SGCZ: variants seen among roughly 807,000 people sequenced by gnomAD.
SGCZ encodes the protein sarcoglycan zeta, also known as zeta-sarcoglycan.
A neutral mutation model predicts 41.3 loss-of-function variants in SGCZ; 40 were observed. That is an observed-to-expected ratio of 0.97 (90% CI 0.75 to 1.26). The LOEUF is 1.26. Among genes scored for constraint, SGCZ ranks in the 50% most tolerant of loss-of-function variants. The probability of loss-of-function intolerance (pLI) is 0.00; values close to 1 mark genes in which losing one functional copy is unlikely to be tolerated. For synonymous variants in SGCZ, 206 were observed against 137.5 expected, an observed-to-expected ratio of 1.50 and a Z score of -3.49; for missense variants, 552 against 369.8, an observed-to-expected ratio of 1.49 and a Z score of -4.04.
intron 5 of SGCZ, among the ~76,000 whole-genome samples, chr8:14,157,744 G>C (rs1803920674): frequency 6.6e-6 from 1 of 152,080 alleles, no homozygotes; most frequent in Admixed American, 6.6e-5. Context: ...TGTAAAAAGA[G>C]GGATAGAAGA....
chr8:14,425,792 G>C (rs78848478), intron 2 of SGCZ, among the ~76,000 whole-genome samples: 2,702 of 152,118 alleles, frequency 0.018, 74 homozygotes, highest in African/African-American at 0.061. Context: ...AAGTGGTACA[G>C]ACTATAATCC....
intron 4 of SGCZ, among the ~76,000 whole-genome samples, chr8:14,226,604 G>T (rs1266835365): frequency 2.0e-5 from 3 of 152,058 alleles, no homozygotes; most frequent in African/African-American, 7.2e-5. Flanking sequence ...CCATTCTCTT[G>T]CTGAAGGATA....
intron 1 of SGCZ, among the ~76,000 whole-genome samples, chr8:14,633,088 C>T (rs796441276): frequency 2.0e-5 from 3 of 152,078 alleles, no homozygotes; most frequent in African/African-American, 7.2e-5. Flanking sequence ...ACTGTCACAG[C>T]AATGGTATTT....
chr8:14,525,214 G>A lies in SGCZ; in HGVS notation c.234+29518C>T, dbSNP rs28392850. Among the ~76,000 whole-genome samples, 1,014 of 152,060 alleles carry A rather than the reference G, an allele frequency of 6.7e-3. 10 individuals carry two copies. The highest frequency in any genetic ancestry group is 0.023 in the African/African-American group (973 of 41,508). ...TAGATAGACAGACAGACAGACAGAT[G>A]TTTCCACTATCAAGTGACAAAAATA... is the stretch of plus-strand genomic sequence containing the variant. On this transcript the variant is annotated intron_variant, in intron 2 of 7. Coordinates refer to ENST00000382080, the MANE Select transcript of SGCZ (RefSeq NM_139167.4).
intron 1 of SGCZ, among the ~76,000 whole-genome samples, chr8:14,710,568 T>C (rs938782186): frequency 6.6e-6 from 1 of 152,102 alleles, no homozygotes; most frequent in African/African-American, 2.4e-5. Flanking sequence ...AGTTAATAAA[T>C]TATTTTGTTA....
chr8:14,148,153 T>G (rs866024604), intron 5 of SGCZ, among the ~76,000 whole-genome samples: 4 of 151,924 alleles, frequency 2.6e-5, no homozygotes, highest in Non-Finnish European at 5.9e-5. Flanking sequence ...GAACTAGGAA[T>G]GCATGTGGAA....
intron 1 of SGCZ, among the ~76,000 whole-genome samples, chr8:14,794,217 G>A (rs184840422): frequency 6.6e-6 from 1 of 152,246 alleles, no homozygotes; most frequent in East Asian, 1.9e-4. Flanking sequence ...AGTCTCTGAT[G>A]TGGAAGGTAA....
chr8:14,108,537 C>T (rs973078281), intron 5 of SGCZ, among the ~76,000 whole-genome samples: 1 of 152,086 alleles, frequency 6.6e-6, no homozygotes, highest in Non-Finnish European at 1.5e-5. Context: ...GCAGAAACCC[C>T]TGATAATACC....
intron 5 of SGCZ, among the ~76,000 whole-genome samples, chr8:14,116,954 G>C (rs1024988415): frequency 2.6e-5 from 4 of 152,004 alleles, no homozygotes; most frequent in African/African-American, 9.7e-5. Context: ...AGCCATTACT[G>C]CTTTTTGCAA....
chr8:14,639,612 T>C (rs1434793013), intron 1 of SGCZ, among the ~76,000 whole-genome samples: 3 of 151,760 alleles, frequency 2.0e-5, no homozygotes, highest in African/African-American at 7.3e-5. Context: ...TATCTATTCA[T>C]GTATAGCTAA....
chr8:15,170,717 A>C (rs1020510524), intron 1 of SGCZ, among the ~76,000 whole-genome samples: 2 of 152,190 alleles, frequency 1.3e-5, no homozygotes, highest in African/African-American at 4.8e-5. Flanking sequence ...TATTTGAACT[A>C]TGCAGTGTTT....
At chr8:14,800,791 T>A (rs923422144) in intron 1 of SGCZ, among the ~76,000 whole-genome samples, 1 of 152,162 alleles carries the variant, frequency 6.6e-6, no homozygotes, top group African/African-American at 2.4e-5. Flanking sequence ...TCTAGTATGT[T>A]TTATAGCAAT....
At chr8:14,332,912 C>CACATATATAT (rs201069722) in intron 2 of SGCZ, among the ~76,000 whole-genome samples, 1 of 142,590 alleles carries the variant, frequency 7.0e-6, no homozygotes, top group Non-Finnish European at 1.6e-5. Context: ...TATCTATACA[C>CACATATATAT]ACATATATAT....
chr8:14,462,424 C>A (rs1022008932), intron 2 of SGCZ, among the ~76,000 whole-genome samples: 2 of 151,944 alleles, frequency 1.3e-5, no homozygotes, highest in Non-Finnish European at 2.9e-5. Context: ...TACGGTTGTG[C>A]TACTATCATT....
intron 1 of SGCZ, among the ~76,000 whole-genome samples, chr8:15,027,638 A>G (rs1174146129): frequency 1.3e-5 from 2 of 152,098 alleles, no homozygotes; most frequent in Non-Finnish European, 2.9e-5. Flanking sequence ...ATATTGCAAG[A>G]TATAAAATTG....
At chr8:15,058,288 G>T (rs1224406481) in intron 1 of SGCZ, among the ~76,000 whole-genome samples, 1 of 152,094 alleles carries the variant, frequency 6.6e-6, no homozygotes, top group Non-Finnish European at 1.5e-5. Flanking sequence ...ACTGTGATCT[G>T]TGTTGAAAGA....
At chr8:14,379,781 G>A (rs932451866) in intron 2 of SGCZ, among the ~76,000 whole-genome samples, 2 of 151,998 alleles carry the variant, frequency 1.3e-5, no homozygotes, top group African/African-American at 2.4e-5. Context: ...GCCCAGGCTG[G>A]AGTACAGTGG....
intron 7 of SGCZ, among the ~76,000 whole-genome samples, chr8:14,090,967 A>G (rs1801672111): frequency 6.6e-6 from 1 of 151,872 alleles, no homozygotes; most frequent in African/African-American, 2.4e-5. Context: ...TAATTTCTTA[A>G]AAAATCCCAT....
chr8:14,316,131 A>G (rs1435832751), intron 3 of SGCZ, among the ~76,000 whole-genome samples: 2 of 151,974 alleles, frequency 1.3e-5, no homozygotes, highest in African/African-American at 2.4e-5. Flanking sequence ...AAGTAATCCT[A>G]TGTTATTAAA....
Sources: allele counts gnomAD v4.1 joint callset (sites outside exome capture counted in the v4.1 genomes callset), GRCh38; gene constraint gnomAD v4.1.1; transcripts MANE v1.5; gene names NCBI Gene and HGNC (gene_info 2026-07-23, HGNC 2026-07-21).